The following GLT1D1 variants were observed in gnomAD, a reference collection of about 807,000 sequenced individuals.
The protein encoded by GLT1D1 is glycosyltransferase 1 domain containing 1.
GLT1D1 carries 21 observed loss-of-function variants against 28.7 expected under a neutral mutation model. That is an observed-to-expected ratio of 0.73 (90% CI 0.52 to 1.05). The LOEUF (loss-of-function observed/expected upper bound fraction) is 1.05, where lower values mean the gene tolerates loss of function less well. Ranked by LOEUF, GLT1D1 falls within the 50% of genes least tolerant of loss-of-function variation. GLT1D1 has a pLI of 0.00. For synonymous variants in GLT1D1, 147 were observed against 124.8 expected (o/e 1.18, Z -1.19); for missense variants, 343 against 330.6 (o/e 1.04, Z -0.29).
intron 2 of GLT1D1, 102 bp from the exon 3 acceptor site, chr12:128,888,537 G>A (rs1241268961): frequency 2.1e-5 from 15 of 720,214 alleles, no homozygotes; most frequent in Admixed American, 4.9e-5. Flanking sequence ...AAACAGCTCC[G>A]GCGATCTGGG....
chr12:128,954,876 C>A (rs1276301493), intron 6 of GLT1D1, among the ~76,000 whole-genome samples: 2 of 152,160 alleles, frequency 1.3e-5, no homozygotes, highest in Admixed American at 6.5e-5. Context: ...ATTGCTTGAG[C>A]CCAGGAGGTG....
intron 6 of GLT1D1, among the ~76,000 whole-genome samples, chr12:128,951,495 T>C (rs1332832991): frequency 6.6e-6 from 1 of 152,210 alleles, no homozygotes; most frequent in Non-Finnish European, 1.5e-5. Flanking sequence ...TTTGTTTGTT[T>C]TTCTAATCAA....
intron 4 of GLT1D1, among the ~76,000 whole-genome samples, chr12:128,910,238 G>A (rs983408817): frequency 6.7e-5 from 10 of 148,156 alleles, no homozygotes; most frequent in Admixed American, 1.3e-4. Context: ...TCCTTCTGCT[G>A]ACAGAGCTGA....
intron 7 of GLT1D1, among the ~76,000 whole-genome samples, chr12:128,972,230 G>A (rs1879251213): frequency 1.3e-5 from 2 of 152,344 alleles, no homozygotes; most frequent in Non-Finnish European, 2.9e-5. Context: ...TCTTCTGGAG[G>A]CCAGAGCTGG....
At chr12:128,945,162 G>GA (rs1476057389) in intron 4 of GLT1D1, 164 bp from the exon 9 acceptor site, 7 of 769,222 alleles carry the variant, frequency 9.1e-6, no homozygotes, top group Admixed American at 4.0e-5. Flanking sequence ...CCGAGCCGGG[G>GA]GCCCCCATGA....
chr12:128,863,694 T>C (rs1956437168), intron 1 of GLT1D1, among the ~76,000 whole-genome samples: 1 of 152,080 alleles, frequency 6.6e-6, no homozygotes, highest in Non-Finnish European at 1.5e-5. Flanking sequence ...AATTTCTTTA[T>C]GGTCAGGTTT....
intron 4 of GLT1D1, chr12:128,906,921 C>G: frequency 1.4e-6 from 1 of 702,574 alleles, no homozygotes; most frequent in Non-Finnish European, 2.6e-6. Context: ...CAAGACAGAT[C>G]TCATTGGCTG....
chr12:128,927,642 G>A (rs71464423), intron 4 of GLT1D1, among the ~76,000 whole-genome samples: 27,597 of 151,960 alleles, frequency 0.18, 2,749 homozygotes, highest in Non-Finnish European at 0.23. Flanking sequence ...TCATTACAAC[G>A]GCAATGAATC....
intron 6 of GLT1D1, among the ~76,000 whole-genome samples, chr12:128,957,277 T>A (rs945911253): frequency 3.3e-5 from 5 of 151,900 alleles, no homozygotes; most frequent in African/African-American, 1.2e-4. Flanking sequence ...AGAGAGGGGG[T>A]TCTTTGTGAC....
intron 7 of GLT1D1, among the ~76,000 whole-genome samples, chr12:128,973,607 C>T (rs1007839581): frequency 2.6e-5 from 4 of 152,090 alleles, no homozygotes; most frequent in East Asian, 1.9e-4. Context: ...CCCGCCAAGC[C>T]GTCACACAAG....
At chr12:128,860,688 C>T (rs57162877) in intron 1 of GLT1D1, among the ~76,000 whole-genome samples, 7,962 of 152,118 alleles carry the variant, frequency 0.052, 670 homozygotes, top group African/African-American at 0.18. Context: ...GGGCAGGGTG[C>T]TTGGAGAACA....
rs1397894974 is a variant in GLT1D1 at position 128,942,735 on chromosome 12, G to GTTTTTTTTTTTTT, written c.376-2588_376-2587insTTTTTTTTTTTTT. Among the ~76,000 whole-genome samples the GTTTTTTTTTTTTT allele has an allele frequency of 2.9e-4, 26 of 89,554 alleles. 3 individuals are homozygous for GTTTTTTTTTTTTT. Among genetic ancestry groups the GTTTTTTTTTTTTT allele is most frequent in the African/African-American group, 9.9e-4 (23 of 23,156 alleles). The allele number at this position is 89,554 out of a possible 152,430, so 58.8% of individuals were successfully genotyped here. A position where few individuals can be genotyped will look rare whatever the true frequency, so the allele number is the denominator to read the frequency against. On this transcript the variant is annotated intron_variant, in intron 4 of 7. Transcript: ENST00000281703. ...ATCACTTTAGATTCCAATTTTCTTT[G>GTTTTTTTTTTTTT]TTTGTTTGTTTTTGTTTTTTGTTTT...
chr12:128,917,104 T>C (rs1872179996), intron 4 of GLT1D1, among the ~76,000 whole-genome samples: 1 of 152,202 alleles, frequency 6.6e-6, no homozygotes, highest in African/African-American at 2.4e-5. Flanking sequence ...GAAATGTTTT[T>C]CTTTGCCCAT....
intron 4 of GLT1D1, among the ~76,000 whole-genome samples, chr12:128,937,658 C>T (rs1436602853): frequency 5.9e-5 from 9 of 152,098 alleles, no homozygotes; most frequent in Admixed American, 1.3e-4. Context: ...GTTGCAATCC[C>T]GTGATCTCCA....
At chr12:128,982,707 T>A (rs574085741) in intron 7 of GLT1D1, among the ~76,000 whole-genome samples, 3 of 152,140 alleles carry the variant, frequency 2.0e-5, no homozygotes. Context: ...CATATGTGTG[T>A]GTGCATGTAT....
In GLT1D1 at chr12:128,966,876, G is replaced by C. The variant is rs535512804; in HGVS notation, c.639+9233G>C. ...TCTATTTCTATATACCTCACCCCTG[G>C]AAAACTTCAATTTAAGCAAAGCTTT... On this transcript the variant is annotated intron_variant, in intron 7 of 7. Transcript: ENST00000281703. 2.7e-3 allele frequency among the ~76,000 whole-genome samples: 406 copies of C among 152,186 alleles called. 2 individuals carry two copies. Among genetic ancestry groups the C allele is most frequent in the Non-Finnish European group, 3.9e-3 (263 of 68,014 alleles).
intron 2 of GLT1D1, among the ~76,000 whole-genome samples, chr12:128,876,853 G>A (rs1956881703): frequency 6.6e-6 from 1 of 152,242 alleles, no homozygotes; most frequent in South Asian, 2.1e-4. Flanking sequence ...AAGGCAATGG[G>A]CCCCAAGCTT....
At chr12:128,969,178 C>T (rs1313897604) in intron 7 of GLT1D1, among the ~76,000 whole-genome samples, 1 of 145,056 alleles carries the variant, frequency 6.9e-6, no homozygotes, top group Non-Finnish European at 1.5e-5. Context: ...CTTCCTCTGT[C>T]TCTGTTTCTG....
At chr12:128,921,358 C>T (rs1872640223) in intron 4 of GLT1D1, among the ~76,000 whole-genome samples, 1 of 152,158 alleles carries the variant, frequency 6.6e-6, no homozygotes, top group South Asian at 2.1e-4. Context: ...CAGCGTCTTG[C>T]AGGTCAGGGG....
Sources: allele counts gnomAD v4.1 joint callset (sites outside exome capture counted in the v4.1 genomes callset), GRCh38; gene constraint gnomAD v4.1.1; transcripts MANE v1.5; gene names NCBI Gene and HGNC (gene_info 2026-07-23, HGNC 2026-07-21).